Variants in OVCH2 observed in about 807,000 individuals in gnomAD.
The protein encoded by OVCH2 is ovochymase-2.
Under a neutral mutation model 73.7 loss-of-function variants are expected in OVCH2, and 88 were observed. The observed-to-expected ratio is 1.19, with a 90% confidence interval of 1.01 to 1.43. The LOEUF (loss-of-function observed/expected upper bound fraction) is 1.43, where lower values mean the gene tolerates loss of function less well. Ranked by LOEUF, OVCH2 falls within the 40% of genes most tolerant of loss-of-function variation. OVCH2 has a pLI of 0.00. For synonymous variants in OVCH2, 265 were observed against 234.5 expected (o/e 1.13, Z -1.19); for missense variants, 706 against 674.5 (o/e 1.05, Z -0.52).
At chr11:7,687,163 A>G (rs1048259179), downstream of OVCH2, among the ~76,000 whole-genome samples, 4 of 152,062 alleles carry the variant, frequency 2.6e-5, no homozygotes, top group Non-Finnish European at 5.9e-5. Flanking sequence ...TTTTCAGGGG[A>G]TATATTTCAG....
chr11:7,684,683 C>G (rs1302885768), downstream of OVCH2, among the ~76,000 whole-genome samples: 4 of 152,028 alleles, frequency 2.6e-5, no homozygotes, highest in East Asian at 7.7e-4. Flanking sequence ...AGTTAATTCT[C>G]TTGTGTGATA....
the OVCH2 span, among the ~76,000 whole-genome samples, chr11:7,683,254 C>T: frequency 6.6e-6 from 1 of 152,216 alleles, no homozygotes; most frequent in Non-Finnish European, 1.5e-5. Flanking sequence ...CAAATACTAA[C>T]TCCTGGTATC....
rs1856333553 is a variant in OVCH2, at chr11:7,696,422, A to G, written c.1141+43T>C. 1.9e-6 allele frequency: 3 copies of G among 1,612,434 alleles called. No individual in the cohort carries two copies. The African/African-American group carries it at 4.0e-5, about 22-fold the overall frequency. ...AAGATAACTAGGCCTCATTAAGCCC[A>G]CTTGGCACTGGTTTCCATTTGACAC... On this transcript the variant is annotated intron_variant, in intron 10 of 15. Transcript: ENST00000533663.
the OVCH2 span, among the ~76,000 whole-genome samples, chr11:7,683,008 G>A: frequency 6.6e-6 from 1 of 152,140 alleles, no homozygotes; most frequent in Non-Finnish European, 1.5e-5. Flanking sequence ...TCAATTCTCA[G>A]TCAATGCTCC....
At chr11:7,702,513 G>A (rs529679477) in intron 3 of OVCH2, among the ~76,000 whole-genome samples, 184 bp from the exon 4 acceptor site, 2 of 152,344 alleles carry the variant, frequency 1.3e-5, no homozygotes, top group South Asian at 4.2e-4. Flanking sequence ...CCAACTTCCA[G>A]TAGAGGACTA....
Position 7,702,182 on chromosome 11 carries a change from C to T in OVCH2, c.438G>A (p.Leu146=), listed in dbSNP as rs1301872212. The change falls in exon 4 of 16, where the codon TTG becomes TTA. Residue 146 remains leucine (L), a synonymous_variant. Transcript: ENST00000533663. ...CAAATTGGAAGGCTCCAGCCATCTT[C>T]AAAAGGGCAATATCATAGTCCATTG... ...KKPMDYDIAL[L]KMAGAFQFGH... 2 of 1,611,564 alleles carry T rather than the reference C, an allele frequency of 1.2e-6. No individual in the cohort carries two copies. Among genetic ancestry groups the T allele is most frequent in the Admixed American group, 3.4e-5 (2 of 59,426 alleles).
rs762423402 is a variant in OVCH2, at chr11:7,706,340, G to A, written c.55C>T (p.Arg19Ter). Residue 19 changes from arginine to a stop codon, truncating the protein, a stop_gained, in exon 1 of 16, where the codon CGA becomes TGA. Transcript: ENST00000533663. LOFTEE classifies it high-confidence loss of function. Reference protein sequence around the residue: ...ILLLGIVFFERGKSATLSLPK... With the variant: ...ILLLGIVFFE ...AGCGAAAGAGTTGCAGATTTACCTC[G>A]TTCAAAAAAGACTATTCCTAGTAGT... is the stretch of plus-strand genomic sequence containing the variant. 3 of 1,589,620 alleles carry A rather than the reference G, an allele frequency of 1.9e-6. No individual in the cohort carries two copies. The highest frequency in any genetic ancestry group is 2.6e-6 in the Non-Finnish European group (3 of 1,166,498).
downstream of OVCH2, among the ~76,000 whole-genome samples, chr11:7,687,879 A>G (rs1300331296): frequency 1.3e-5 from 2 of 152,062 alleles, no homozygotes; most frequent in Non-Finnish European, 2.9e-5. Context: ...TTCTTGTTTT[A>G]TCCTCACAAA....
downstream of OVCH2, among the ~76,000 whole-genome samples, chr11:7,685,723 T>A (rs1856135482): frequency 6.6e-6 from 1 of 151,966 alleles, no homozygotes; most frequent in East Asian, 1.9e-4. Flanking sequence ...ATCTTTATCT[T>A]GTGTCTTCAA....
intron 7 of OVCH2, 55 bp downstream of exon 7, chr11:7,700,241 G>A (rs1264677208): frequency 1.3e-6 from 2 of 1,556,144 alleles, no homozygotes; most frequent in African/African-American, 1.3e-5. Flanking sequence ...TGCTGATGCT[G>A]TCTCTGGCCC....
the OVCH2 span, among the ~76,000 whole-genome samples, chr11:7,684,368 TC>T: frequency 6.6e-6 from 1 of 152,042 alleles, no homozygotes; most frequent in East Asian, 1.9e-4. Context: ...CCTGTGAGCA[TC>T]TTGACACAGT....
At chr11:7,691,787 G>C (rs572043423) in intron 13 of OVCH2, 115 bp downstream of exon 13, 38 of 740,044 alleles carry the variant, frequency 5.1e-5, no homozygotes, top group Middle Eastern at 2.4e-4. Flanking sequence ...ACCACAGGGA[G>C]GGGTGGAGGT....
chr11:7,701,824 G>C lies in OVCH2; in HGVS notation c.464-13C>G. On this transcript the variant is annotated splice_polypyrimidine_tract_variant and intron_variant, in intron 4 of 15. Coordinates refer to ENST00000533663, the MANE Select transcript of OVCH2 (RefSeq NM_198185.7). ...CCCACAAAGTGGCCTGAAGAAAAGA[G>C]CAAGGTAGGGCTTGTCTCATTCATG... The C allele has an allele frequency of 1.9e-6, 3 of 1,595,010 alleles. No individual in the cohort carries two copies. The highest frequency in any genetic ancestry group is 1.7e-6 in the Non-Finnish European group (2 of 1,168,558).
chr11:7,680,743 TAATAG>T, the OVCH2 span, among the ~76,000 whole-genome samples: 2 of 152,244 alleles, frequency 1.3e-5, no homozygotes, highest in African/African-American at 4.8e-5. Flanking sequence ...TCCAGAACTG[TAATAG>T]AATAGATGTG....
chr11:7,694,999 C>T, intron 12 of OVCH2, 59 bp downstream of exon 12: 3 of 1,514,844 alleles, frequency 2.0e-6, no homozygotes, highest in East Asian at 2.5e-5. Context: ...CCTCATGGTG[C>T]TTATGTTAGC....
intron 6 of OVCH2, among the ~76,000 whole-genome samples, 193 bp from the exon 7 acceptor site, chr11:7,700,678 A>C (rs1856420780): frequency 6.6e-6 from 1 of 152,156 alleles, no homozygotes; most frequent in Non-Finnish European, 1.5e-5. Flanking sequence ...GGAACCCAAC[A>C]ATCCCACCTC....
chr11:7,694,696 C>A (rs942601143), intron 12 of OVCH2, among the ~76,000 whole-genome samples: 3 of 151,994 alleles, frequency 2.0e-5, no homozygotes, highest in Admixed American at 6.6e-5. Context: ...CGGCTCATTG[C>A]AACCTCCATC....
At chr11:7,682,461 G>T in the OVCH2 span, among the ~76,000 whole-genome samples, 10 of 152,234 alleles carry the variant, frequency 6.6e-5, no homozygotes, top group African/African-American at 2.2e-4. Flanking sequence ...TGGAGGAAGG[G>T]CTATGACTGG....
rs1435210364 is a variant in OVCH2, at chr11:7,700,339, G to C, written c.858C>G (p.Asp286Glu). The change falls in exon 7 of 16, where the codon GAC (aspartate) becomes GAG (glutamate). Residue 286 changes from aspartate (D) to glutamate (E), a missense_variant. Physicochemically the swap from Asp to Glu is conservative, Grantham distance 45. Coordinates refer to ENST00000533663, the MANE Select transcript of OVCH2 (RefSeq NM_198185.7). ...SDQGSPGIFT[D>E]ISKVLPWIHE... ...GGATCCAGGGAAGCACTTTACTAAT[G>C]TCTGTGAAGATCCCAGGGGATCCTT... 6.2e-7 allele frequency: 1 copy of C among 1,613,900 alleles called. No individual in the cohort carries two copies. Among genetic ancestry groups the C allele is most frequent in the South Asian group, 1.1e-5 (1 of 91,076 alleles).
Sources: gnomAD v4.1 joint callset for allele counts (sites outside exome capture counted in the v4.1 genomes callset) on GRCh38, gnomAD v4.1.1 for gene constraint, MANE v1.5 for transcripts, NCBI Gene and HGNC (gene_info 2026-07-23, HGNC 2026-07-21) for gene names.